SCAF8: variants seen among roughly 807,000 people sequenced by gnomAD.
SCAF8 encodes SR-related CTD associated factor 8.
Under a neutral mutation model 140.5 loss-of-function variants are expected in SCAF8, and 23 were observed. The observed-to-expected ratio is 0.16, with a 90% CI of 0.12 to 0.23. The LOEUF (loss-of-function observed/expected upper bound fraction) is 0.23, where lower values mean the gene tolerates loss of function less well. Ranked by LOEUF, SCAF8 falls within the 10% of genes least tolerant of loss-of-function variation. The probability of loss-of-function intolerance (pLI) is 1.00; values close to 1 mark genes in which losing one functional copy is unlikely to be tolerated. For synonymous variants in SCAF8, 575 were observed against 528.9 expected (o/e 1.09, Z -1.20); for missense variants, 1,397 against 1,555.7 (o/e 0.90, Z 1.72).
chr6:154,741,875 G>A, intron 1 of SCAF8: 1 of 884,600 alleles, frequency 1.1e-6, no homozygotes, highest in South Asian at 1.4e-5. Context: ...CTTGAACACT[G>A]GCTGAGCTCC....
chr6:154,746,792 AAT>A (rs1778710313), intron 1 of SCAF8, among the ~76,000 whole-genome samples: 1 of 152,188 alleles, frequency 6.6e-6, no homozygotes, highest in African/African-American at 2.4e-5. Context: ...ATTAATTTGA[AAT>A]AGAGTTAGGT....
chr6:154,791,056 T>C (rs1026765608), intron 4 of SCAF8, among the ~76,000 whole-genome samples: 3 of 152,226 alleles, frequency 2.0e-5, no homozygotes, highest in Non-Finnish European at 4.4e-5. Flanking sequence ...GTGAAATGTT[T>C]ATTTCAAGAA....
In SCAF8 at chr6:154,828,971, T is replaced by A. The variant is rs541277721; in HGVS notation, c.2140+1731T>A. Among the ~76,000 whole-genome samples the A allele has an allele frequency of 2.4e-4, 36 of 152,074 alleles. No individual in the cohort carries two copies. The South Asian group carries it at 7.1e-3, about 30-fold the overall frequency. ...TGTTACTGCCAACAAGGCTACCAGA[T>A]GACACTAAGATTTTTCTGCCACTTT... On this transcript the variant is annotated intron_variant, in intron 18 of 19. Coordinates refer to ENST00000367178, the MANE Select transcript of SCAF8 (RefSeq NM_014892.5).
chr6:154,808,915 T>C (rs1265340578), intron 11 of SCAF8, 117 bp downstream of exon 11: 1 of 691,902 alleles, frequency 1.4e-6, no homozygotes. Context: ...TCTCAGTCTC[T>C]CGGAAAAAAA....
intron 13 of SCAF8, 97 bp from the exon 14 acceptor site, chr6:154,818,382 A>G: frequency 2.0e-6 from 1 of 509,486 alleles, no homozygotes; most frequent in South Asian, 3.5e-5. Flanking sequence ...GAATTGAAGT[A>G]TTAGTAAGTA....
In SCAF8 at chr6:154,770,388, A is replaced by ACTCT. The variant is rs58596375; in HGVS notation, c.31-3568_31-3565dup. On this transcript the variant is annotated intron_variant, in intron 1 of 19. Transcript: ENST00000367178. ...TTGAGGTACACACACACACACACAC[A>ACTCT]CTCTCTCTCTCTCTCTCTCTCTCTC... Among the ~76,000 whole-genome samples the ACTCT allele has an allele frequency of 7.1e-3, 1,001 of 141,982 alleles. 7 individuals are homozygous for ACTCT. The highest frequency in any genetic ancestry group is 0.02 in the South Asian group (88 of 4,430). 93.1% of individuals were successfully genotyped at this position (141,982 alleles called of 152,430 possible). A position where few individuals can be genotyped will look rare whatever the true frequency, so the allele number is the denominator to read the frequency against.
chr6:154,745,088 A>G (rs981505207), intron 1 of SCAF8, among the ~76,000 whole-genome samples: 1 of 152,256 alleles, frequency 6.6e-6, no homozygotes, highest in African/African-American at 2.4e-5. Flanking sequence ...TCCTTACTAG[A>G]GTAAATTCTA....
intron 12 of SCAF8, among the ~76,000 whole-genome samples, chr6:154,812,545 C>T (rs1778127312): frequency 6.6e-6 from 1 of 152,008 alleles, no homozygotes; most frequent in African/African-American, 2.4e-5. Context: ...TGATTGTTTA[C>T]CTCACAACTC....
chr6:154,771,085 T>C (rs1776752100), intron 1 of SCAF8, among the ~76,000 whole-genome samples: 1 of 152,204 alleles, frequency 6.6e-6, no homozygotes, highest in Non-Finnish European at 1.5e-5. Flanking sequence ...TTAAAGGAAC[T>C]TGCGTCCTTT....
intron 1 of SCAF8, among the ~76,000 whole-genome samples, chr6:154,737,915 C>T (rs915279925): frequency 2.0e-5 from 3 of 152,094 alleles, no homozygotes; most frequent in African/African-American, 4.8e-5. Context: ...AATACTTAAC[C>T]TTTTATGGCT....
At chr6:154,808,945 A>G (rs1031307686) in intron 11 of SCAF8, 147 bp downstream of exon 11, 20 of 612,042 alleles carry the variant, frequency 3.3e-5, no homozygotes, top group Admixed American at 1.4e-4. Flanking sequence ...AAAACAAGAT[A>G]ACCTTTGTTC....
At chr6:154,826,259 TTC>T (rs1778565074) in intron 17 of SCAF8, among the ~76,000 whole-genome samples, 1 of 152,186 alleles carries the variant, frequency 6.6e-6, no homozygotes, top group Non-Finnish European at 1.5e-5. Context: ...AAGTGATTAT[TTC>T]AAAAATCATA....
intron 1 of SCAF8, among the ~76,000 whole-genome samples, chr6:154,741,711 T>C (rs997063061): frequency 9.2e-5 from 14 of 152,134 alleles, no homozygotes; most frequent in African/African-American, 3.1e-4. Context: ...CCGGCCCGTT[T>C]GCATCTTTTT....
intron 1 of SCAF8, among the ~76,000 whole-genome samples, chr6:154,758,448 T>A (rs1779019526): frequency 6.6e-6 from 1 of 152,150 alleles, no homozygotes; most frequent in South Asian, 2.1e-4. Flanking sequence ...GGCAGTGGTT[T>A]ACATGGATTG....
intron 1 of SCAF8, among the ~76,000 whole-genome samples, chr6:154,744,369 G>C (rs1350843946): frequency 6.6e-6 from 1 of 152,040 alleles, no homozygotes; most frequent in Non-Finnish European, 1.5e-5. Context: ...TGTACCTACT[G>C]TGTACTCACA....
intron 1 of SCAF8, among the ~76,000 whole-genome samples, chr6:154,741,568 G>A (rs1014312349): frequency 5.9e-5 from 9 of 151,902 alleles, no homozygotes; most frequent in African/African-American, 1.5e-4. Flanking sequence ...CACCACACCC[G>A]GCTAATTTTT....
At chr6:154,793,899 T>C (rs1015511173) in intron 5 of SCAF8, among the ~76,000 whole-genome samples, 3 of 87,378 alleles carry the variant, frequency 3.4e-5, no homozygotes, top group African/African-American at 2.0e-4. Flanking sequence ...TTTGTATGTA[T>C]TTTGTGTGTG....
In SCAF8 at chr6:154,789,837, G is replaced by T. The variant is rs1361435426; in HGVS notation, c.321+1815G>T. ...TGGGATTACAGGCGTGAGCCACCGCGCCTGGCCTAGAATGCTTCTTTTAAA... is the reference window on the plus strand; with the variant it reads ...TGGGATTACAGGCGTGAGCCACCGCTCCTGGCCTAGAATGCTTCTTTTAAA... On this transcript the variant is annotated intron_variant, in intron 4 of 19. Coordinates refer to ENST00000367178, the MANE Select transcript of SCAF8 (RefSeq NM_014892.5). Among the ~76,000 whole-genome samples, 4 of 152,274 alleles carry T rather than the reference G, an allele frequency of 2.6e-5. No individual in the cohort carries two copies. In the South Asian group the frequency reaches 8.3e-4, roughly 32 times the overall value.
At chr6:154,796,353 T>TTCCCTCTCTCTCTC (rs772760237) in intron 6 of SCAF8, among the ~76,000 whole-genome samples, 9 of 75,236 alleles carry the variant, frequency 1.2e-4, no homozygotes, top group African/African-American at 1.6e-4. Flanking sequence ...TGCAATCCTG[T>TTCCCTCTCTCTCTC]TCTCTCTCTC....
Sources: allele counts gnomAD v4.1 joint callset (sites outside exome capture counted in the v4.1 genomes callset), GRCh38; gene constraint gnomAD v4.1.1; transcripts MANE v1.5; gene names NCBI Gene and HGNC (gene_info 2026-07-23, HGNC 2026-07-21).